Variants in ZNF827 observed in about 807,000 individuals in gnomAD.
ZNF827 encodes the protein zinc finger protein 827.
Under a neutral mutation model 102.4 loss-of-function variants are expected in ZNF827, and 13 were observed. The observed-to-expected ratio is 0.13, with a 90% confidence interval of 0.08 to 0.20. ZNF827 has a LOEUF of 0.20. Ranked by LOEUF, ZNF827 falls within the 10% of genes least tolerant of loss-of-function variation. The pLI is 1.00. For synonymous variants in ZNF827, 523 were observed against 536.2 expected, an observed-to-expected ratio of 0.98 and a Z score of 0.34; for missense variants, 1,103 against 1,344.4, an observed-to-expected ratio of 0.82 and a Z score of 2.81.
At chr4:145,804,949 C>A (rs114084754) in intron 8 of ZNF827, among the ~76,000 whole-genome samples, 38 of 152,284 alleles carry the variant, frequency 2.5e-4, no homozygotes, top group Non-Finnish European at 4.9e-4. Context: ...AAAATGCCAT[C>A]ATTGGTGGCT....
intron 1 of ZNF827, among the ~76,000 whole-genome samples, chr4:145,918,401 T>C (rs540369696): frequency 1.4e-5 from 2 of 147,284 alleles, no homozygotes; most frequent in African/African-American, 5.0e-5. Flanking sequence ...GAACAGGTAC[T>C]TTTTCTTTAT....
chr4:145,937,633 G>C (rs1458059372), intron 1 of ZNF827, among the ~76,000 whole-genome samples: 1 of 144,404 alleles, frequency 6.9e-6, no homozygotes, highest in African/African-American at 2.5e-5. Flanking sequence ...GTGTGTACCC[G>C]TGTGTTTGTG....
At chr4:145,854,943 G>A (rs1438327219) in intron 5 of ZNF827, among the ~76,000 whole-genome samples, 2 of 152,174 alleles carry the variant, frequency 1.3e-5, no homozygotes, top group Non-Finnish European at 2.9e-5. Context: ...GGAGTGCTTA[G>A]TTCTTGTTCA....
rs762685378 is a variant in ZNF827, at chr4:145,765,560, T to C, written c.3039A>G (p.Glu1013=). Residue 1013 remains glutamate (E), a synonymous_variant, in exon 12 of 15, where the codon GAA becomes GAG. Transcript: ENST00000508784. The surrounding 1 kb of genome is among the most constrained non-coding windows in gnomAD (Gnocchi z 4.7). The part of the protein sequence containing the change: ...PGSQPSLNSE[E]KPEKGFECVF... ...CCTCCTCCTTACCTTTCTCTGGCTT[T>C]TCCTCACTGTTCAGTGAGGGCTGGC... 3 of 1,612,900 alleles carry C rather than the reference T, an allele frequency of 1.9e-6. No homozygotes were observed. Among genetic ancestry groups the C allele is most frequent in the East Asian group, 2.2e-5 (1 of 44,864 alleles).
chr4:145,926,801 T>G (rs933125042), intron 1 of ZNF827, among the ~76,000 whole-genome samples: 1 of 152,098 alleles, frequency 6.6e-6, no homozygotes, highest in Non-Finnish European at 1.5e-5. Context: ...AAGTCATGTT[T>G]AAGCTTCTCA....
chr4:145,847,440 C>A (rs1746103168), intron 6 of ZNF827, among the ~76,000 whole-genome samples: 1 of 152,110 alleles, frequency 6.6e-6, no homozygotes, highest in Non-Finnish European at 1.5e-5. Flanking sequence ...ATTGTGAGGC[C>A]CCTTTGTGAG....
chr4:145,780,569 C>T (rs866227095), intron 8 of ZNF827, among the ~76,000 whole-genome samples: 2 of 152,096 alleles, frequency 1.3e-5, no homozygotes, highest in Non-Finnish European at 2.9e-5. Flanking sequence ...CATTCTTATC[C>T]CTAGGATTAC....
At chr4:145,903,388 A>G (rs1751585919) in intron 1 of ZNF827, among the ~76,000 whole-genome samples, 173 bp from the exon 2 acceptor site, 1 of 152,236 alleles carries the variant, frequency 6.6e-6, no homozygotes, top group Non-Finnish European at 1.5e-5. Flanking sequence ...GCCTGAAAAA[A>G]GTAAAAAATG....
At chr4:145,816,004 A>T (rs984522050) in intron 8 of ZNF827, among the ~76,000 whole-genome samples, 19 of 152,248 alleles carry the variant, frequency 1.2e-4, no homozygotes, top group Admixed American at 1.2e-3. Flanking sequence ...AGCCCTGGGG[A>T]TAACCTATAC....
At chr4:145,827,035 C>A (rs1197006190) in intron 7 of ZNF827, among the ~76,000 whole-genome samples, 1 of 152,050 alleles carries the variant, frequency 6.6e-6, no homozygotes, top group South Asian at 2.1e-4. Context: ...GCATGAGCCA[C>A]CACGCCCTGC....
Position 145,902,608 on chromosome 4 carries a change from A to T in ZNF827, c.651T>A (p.Ala217=). ...SPDSAILKLK[A]AANAVLQDKS... ...TGTCCTGCAGAACGGCATTGGCTGC[A>T]GCTTTCAGTTTTAGGATGGCTGAAT... Residue 217 remains alanine (A), a synonymous_variant, in exon 2 of 15, where the codon GCT becomes GCA. Coordinates refer to ENST00000508784, the MANE Select transcript of ZNF827 (RefSeq NM_001306215.2). The surrounding 1 kb of genome is among the most constrained non-coding windows in gnomAD (Gnocchi z 4.3). 6.2e-7 allele frequency: 1 copy of T among 1,614,094 alleles called. No homozygotes were observed.
intron 11 of ZNF827, among the ~76,000 whole-genome samples, chr4:145,766,838 A>C (rs1735377975): frequency 6.6e-6 from 1 of 152,194 alleles, no homozygotes; most frequent in Non-Finnish European, 1.5e-5. Context: ...GTAGAAAACT[A>C]AGAAAGGTCT....
At chr4:145,917,018 G>GC (rs34202965) in intron 1 of ZNF827, among the ~76,000 whole-genome samples, 85,808 of 151,942 alleles carry the variant, frequency 0.56, 27,494 homozygotes, top group African/African-American at 0.87. Context: ...TCCGATCACA[G>GC]CCCTTAATTA....
intron 7 of ZNF827, chr4:145,839,276 G>A (rs1480437594): frequency 6.6e-6 from 1 of 152,268 alleles, no homozygotes; most frequent in Non-Finnish European, 1.5e-5. Context: ...GGAGCACAAT[G>A]CCAGGCCTTG....
rs1348355065 is a variant in ZNF827 at position 145,843,020 on chromosome 4, T to G, written c.2279+2936A>C. Among the ~76,000 whole-genome samples the G allele has an allele frequency of 2.0e-5, 3 of 152,246 alleles. No homozygotes were observed. The East Asian group carries it at 5.8e-4, about 29-fold the overall frequency. Reference sequence around the variant, plus strand: ...ACACACTGATCTTGTACCTGCAGAGTAAGAGTTCCTTCTAAAACAGGAGTC... The same window carrying G: ...ACACACTGATCTTGTACCTGCAGAGGAAGAGTTCCTTCTAAAACAGGAGTC... On this transcript the variant is annotated intron_variant, in intron 7 of 14. Coordinates refer to ENST00000508784, the MANE Select transcript of ZNF827 (RefSeq NM_001306215.2).
intron 1 of ZNF827, among the ~76,000 whole-genome samples, chr4:145,907,859 A>G (rs925319340): frequency 6.6e-6 from 1 of 152,264 alleles, no homozygotes; most frequent in Admixed American, 6.5e-5. Context: ...CAAAGAATTA[A>G]GAATAGCAAT....
At chr4:145,827,056 G>C (rs1029171437) in intron 7 of ZNF827, among the ~76,000 whole-genome samples, 1 of 152,188 alleles carries the variant, frequency 6.6e-6, no homozygotes, top group Non-Finnish European at 1.5e-5. Flanking sequence ...CAACCACTGT[G>C]GGTCTTGAAA....
At chr4:145,824,645 C>A (rs1379566375) in intron 7 of ZNF827, among the ~76,000 whole-genome samples, 1 of 152,124 alleles carries the variant, frequency 6.6e-6, no homozygotes, top group African/African-American at 2.4e-5. Context: ...ATCCCCTCCC[C>A]CTACCTCTCA....
chr4:145,871,719 A>T (rs1339305211), intron 4 of ZNF827, among the ~76,000 whole-genome samples: 1 of 152,188 alleles, frequency 6.6e-6, no homozygotes, highest in Non-Finnish European at 1.5e-5. Context: ...CCCCTTGCCT[A>T]CCACCTACTC....
Sources: gnomAD v4.1 joint callset for allele counts (sites outside exome capture counted in the v4.1 genomes callset) on GRCh38, gnomAD v4.1.1 for gene constraint, Gnocchi (gnomAD v3.1) non-coding constraint, MANE v1.5 for transcripts, NCBI Gene and HGNC (gene_info 2026-07-23, HGNC 2026-07-21) for gene names.